The following PDE11A variants were observed in gnomAD, a reference collection of about 807,000 sequenced individuals.
The protein encoded by PDE11A is dual 3',5'-cyclic-AMP and -GMP phosphodiesterase 11A.
In PDE11A, 100 loss-of-function variants were observed where a neutral mutation model predicts 100.5. The ratio of observed to expected loss-of-function variants is 1.00; its 90% CI spans 0.85 to 1.18. The LOEUF (loss-of-function observed/expected upper bound fraction) is 1.18. Among genes scored for constraint, PDE11A ranks in the 50% most tolerant of loss-of-function variants. The probability of loss-of-function intolerance (pLI) is 0.00; values close to 1 mark genes in which losing one functional copy is unlikely to be tolerated. For synonymous variants in PDE11A, 381 were observed against 420.8 expected (o/e 0.91, Z 1.16); for missense variants, 1,141 against 1,152.6 (o/e 0.99, Z 0.15).
At chr2:177,912,440 T>C (rs933684492) in intron 2 of PDE11A, among the ~76,000 whole-genome samples, 1 of 152,202 alleles carries the variant, frequency 6.6e-6, no homozygotes. Flanking sequence ...ATCTATTCTC[T>C]TTGACTTTTT....
At chr2:178,001,724 A>G (rs1233790069) in intron 2 of PDE11A, among the ~76,000 whole-genome samples, 2 of 152,060 alleles carry the variant, frequency 1.3e-5, no homozygotes, top group African/African-American at 4.8e-5. Context: ...CCAGCAGAAA[A>G]CCAGATTCTG....
intron 19 of PDE11A, among the ~76,000 whole-genome samples, chr2:177,642,335 C>A (rs904270426): frequency 1.3e-5 from 2 of 152,142 alleles, no homozygotes; most frequent in Non-Finnish European, 2.9e-5. Context: ...TACCTACATA[C>A]AAGGCTGAAG....
intron 1 of PDE11A, among the ~76,000 whole-genome samples, chr2:178,069,728 C>A (rs1189521931): frequency 6.6e-6 from 1 of 152,200 alleles, no homozygotes; most frequent in Non-Finnish European, 1.5e-5. Flanking sequence ...TGTGATGACA[C>A]CTACAGCCAC....
At chr2:177,706,438 T>G (rs1256402616) in intron 13 of PDE11A, among the ~76,000 whole-genome samples, 2 of 152,160 alleles carry the variant, frequency 1.3e-5, no homozygotes, top group East Asian at 3.8e-4. Flanking sequence ...ATATAGAAAA[T>G]ACTCACTTAC....
At chr2:177,638,568 A>G (rs1440385076) in intron 19 of PDE11A, among the ~76,000 whole-genome samples, 1 of 152,208 alleles carries the variant, frequency 6.6e-6, no homozygotes, top group East Asian at 1.9e-4. Flanking sequence ...AATATCAGAC[A>G]TTGTAAAGTT....
At chr2:177,929,860 AG>A (rs1305861419) in intron 2 of PDE11A, among the ~76,000 whole-genome samples, 1 of 152,238 alleles carries the variant, frequency 6.6e-6, no homozygotes, top group Non-Finnish European at 1.5e-5. Context: ...ATCTGTAAAT[AG>A]GTAACTGCTG....
chr2:177,770,841 T>C (rs2082301770), intron 9 of PDE11A, among the ~76,000 whole-genome samples: 1 of 152,236 alleles, frequency 6.6e-6, no homozygotes, highest in Non-Finnish European at 1.5e-5. Flanking sequence ...TGTGGTTTTG[T>C]TTTTGAGACA....
chr2:177,782,517 A>G (rs1368377192), intron 9 of PDE11A, among the ~76,000 whole-genome samples: 1 of 152,224 alleles, frequency 6.6e-6, no homozygotes, highest in Non-Finnish European at 1.5e-5. Flanking sequence ...AACTCATGAA[A>G]TACTATGGAA....
chr2:177,686,605 G>A (rs1034248874), intron 15 of PDE11A: 2 of 151,926 alleles, frequency 1.3e-5, no homozygotes, highest in Non-Finnish European at 2.9e-5. Context: ...GTAGTCACTG[G>A]TGGAACCATG....
intron 5 of PDE11A, among the ~76,000 whole-genome samples, chr2:177,868,732 C>A (rs1418451000): frequency 6.6e-6 from 1 of 152,178 alleles, no homozygotes; most frequent in Non-Finnish European, 1.5e-5. Flanking sequence ...TTCTTCCAAG[C>A]TGCTGACACT....
chr2:177,794,716 C>G (rs560112346), intron 9 of PDE11A, among the ~76,000 whole-genome samples: 1 of 152,164 alleles, frequency 6.6e-6, no homozygotes, highest in African/African-American at 2.4e-5. Context: ...CACCGACCCC[C>G]CAACACACCC....
In PDE11A at chr2:177,629,499, T is replaced by TA. The variant is rs2105428146; in HGVS notation, c.2709dup (p.Lys904Ter). ...CGTTTTTGGTGTAGCTCTTCCCACT[T>TA]ACTTCTGTTTGTAGCTACTGAATCT... is the stretch of plus-strand genomic sequence containing the variant. On this transcript the variant is annotated frameshift_variant, in exon 20 of 20. Coordinates refer to ENST00000286063, the MANE Select transcript of PDE11A (RefSeq NM_016953.4). LOFTEE classifies it low-confidence loss of function (END_TRUNC). The TA allele has an allele frequency of 6.2e-7, 1 of 1,613,416 alleles. No individual in the cohort carries two copies. Among genetic ancestry groups the TA allele is most frequent in the East Asian group, 2.2e-5 (1 of 44,834 alleles).
At chr2:177,727,814 T>C in intron 11 of PDE11A, 49 bp from the exon 12 acceptor site, 1 of 1,144,984 alleles carries the variant, frequency 8.7e-7, no homozygotes, top group Admixed American at 1.7e-5. Context: ...GTGATTCTAG[T>C]GGACCCTTAT....
intron 2 of PDE11A, among the ~76,000 whole-genome samples, chr2:177,982,589 G>C (rs758806041): frequency 6.6e-6 from 1 of 150,546 alleles, no homozygotes; most frequent in African/African-American, 2.4e-5. Context: ...CCATGTGGCA[G>C]AGAAAAAAGA....
At chr2:177,764,627 T>C (rs1303238414) in intron 10 of PDE11A, among the ~76,000 whole-genome samples, 2 of 152,212 alleles carry the variant, frequency 1.3e-5, no homozygotes, top group African/African-American at 4.8e-5. Flanking sequence ...CAAGGAGATG[T>C]AATTGTCAAT....
chr2:177,680,686 A>G (rs954559440), intron 16 of PDE11A, 140 bp downstream of exon 16: 3 of 552,034 alleles, frequency 5.4e-6, no homozygotes. Context: ...TAATTATTCA[A>G]CTGATCTCTG....
At chr2:177,859,491 G>A (rs986169252) in intron 5 of PDE11A, among the ~76,000 whole-genome samples, 7 of 151,750 alleles carry the variant, frequency 4.6e-5, no homozygotes, top group Non-Finnish European at 1.0e-4. Flanking sequence ...TGAGAGAACT[G>A]AAAGGACAAA....
intron 2 of PDE11A, among the ~76,000 whole-genome samples, chr2:177,999,731 C>G (rs2086120227): frequency 6.6e-6 from 1 of 152,170 alleles, no homozygotes; most frequent in African/African-American, 2.4e-5. Flanking sequence ...CCCGTTCCAG[C>G]CTTCTGATGG....
intron 2 of PDE11A, among the ~76,000 whole-genome samples, chr2:178,101,945 T>TA (rs1313422099): frequency 6.6e-6 from 1 of 152,182 alleles, no homozygotes; most frequent in African/African-American, 2.4e-5. Context: ...TATGTATTTA[T>TA]AAATTTATTT....
Sources: gnomAD v4.1 joint callset for allele counts (sites outside exome capture counted in the v4.1 genomes callset) on GRCh38, gnomAD v4.1.1 for gene constraint, MANE v1.5 for transcripts, NCBI Gene and HGNC (gene_info 2026-07-23, HGNC 2026-07-21) for gene names.